The following VTCN1 variants were observed in gnomAD, a reference collection of about 807,000 sequenced individuals.
VTCN1 encodes the protein V-set domain containing T cell activation inhibitor 1.
VTCN1 carries 26 observed loss-of-function variants against 26.5 expected under a neutral mutation model. That is an observed-to-expected ratio of 0.98 (90% confidence interval 0.72 to 1.36). The LOEUF (loss-of-function observed/expected upper bound fraction) is 1.36, where lower values mean the gene tolerates loss of function less well. VTCN1 is among the 40% of genes most tolerant of loss of function. The pLI, the probability that VTCN1 is intolerant of heterozygous loss-of-function variation, is 0.00. For missense variants in VTCN1, 298 were observed against 337.7 expected, an observed-to-expected ratio of 0.88 and a Z score of 0.92; for synonymous variants, 116 against 130.7, an observed-to-expected ratio of 0.89 and a Z score of 0.77.
intron 2 of VTCN1, among the ~76,000 whole-genome samples, chr1:117,165,025 G>T (rs1652542715): frequency 6.6e-6 from 1 of 152,210 alleles, no homozygotes; most frequent in African/African-American, 2.4e-5. Context: ...TCTGTATTGG[G>T]GAAAAGTTTT....
intron 1 of VTCN1, among the ~76,000 whole-genome samples, chr1:117,194,892 G>A (rs1218600781): frequency 6.6e-6 from 1 of 152,182 alleles, no homozygotes; most frequent in Non-Finnish European, 1.5e-5. Flanking sequence ...AGAGGTGTTA[G>A]TCAAAGGGTA....
At chr1:117,158,282 C>T (rs1319087373) in intron 2 of VTCN1, among the ~76,000 whole-genome samples, 2 of 152,218 alleles carry the variant, frequency 1.3e-5, no homozygotes, top group African/African-American at 4.8e-5. Flanking sequence ...TCCATGAGAG[C>T]CCCACTCCTG....
rs1167334892 is a variant in VTCN1, at chr1:117,167,456, A to G, written c.97+2651T>C. The stretch of plus-strand genomic sequence containing the variant: ...GAACTTCATATGCATAGAATCATAC[A>G]GAACTTACTCTTTTGTGCTCTTCTG... On this transcript the variant is annotated intron_variant, in intron 2 of 5. Coordinates refer to ENST00000369458, the MANE Select transcript of VTCN1 (RefSeq NM_024626.4). This position sits in a 1 kb window ranked among gnomAD's most constrained non-coding sequence, Gnocchi z 4.1. 2.6e-5 allele frequency among the ~76,000 whole-genome samples: 4 copies of G among 152,220 alleles called. No individual in the cohort carries two copies. Among genetic ancestry groups the G allele is most frequent in the African/African-American group, 9.6e-5 (4 of 41,470 alleles).
rs145375103 is a variant in VTCN1 at position 117,204,046 on chromosome 1, G to A, written c.32+6778C>T. On this transcript the variant is annotated intron_variant, in intron 1 of 5. Coordinates refer to ENST00000369458, the MANE Select transcript of VTCN1 (RefSeq NM_024626.4). ...CTCACAGAACAAGGACTAGAAAGAC[G>A]ATGTCTGAGTCCATTGAAATCCCAA... Among the ~76,000 whole-genome samples the A allele has an allele frequency of 4.4e-3, 664 of 152,252 alleles. 7 individuals are homozygous for A. Among genetic ancestry groups the A allele is most frequent in the African/African-American group, 0.015 (636 of 41,526 alleles).
At chr1:117,163,117 A>G (rs1426668696) in intron 2 of VTCN1, among the ~76,000 whole-genome samples, 1 of 152,228 alleles carries the variant, frequency 6.6e-6, no homozygotes, top group Non-Finnish European at 1.5e-5. Flanking sequence ...CTTGCCAAAG[A>G]AGACGGTGGG....
chr1:117,161,035 A>G lies in VTCN1; in HGVS notation c.98-4114T>C, dbSNP rs1652341162. ...TGGAGGCTTGAGAGCGTGAGAAAAGACACTTTGGAAGCAGCTGCCATGCAT... is the reference window on the plus strand; with the variant it reads ...TGGAGGCTTGAGAGCGTGAGAAAAGGCACTTTGGAAGCAGCTGCCATGCAT... On this transcript the variant is annotated intron_variant, in intron 2 of 5. Coordinates refer to ENST00000369458, the MANE Select transcript of VTCN1 (RefSeq NM_024626.4). The surrounding 1 kb of genome is among the most constrained non-coding windows in gnomAD (Gnocchi z 4.3). Among the ~76,000 whole-genome samples, 1 of 152,186 alleles carries G rather than the reference A, an allele frequency of 6.6e-6. No individual in the cohort carries two copies. Among genetic ancestry groups the G allele is most frequent in the African/African-American group, 2.4e-5 (1 of 41,450 alleles).
chr1:117,209,163 C>A (rs1442687362), intron 1 of VTCN1, among the ~76,000 whole-genome samples: 1 of 152,164 alleles, frequency 6.6e-6, no homozygotes, highest in Non-Finnish European at 1.5e-5. Context: ...CATGCAGGAG[C>A]CAACAAGAGG....
chr1:117,188,283 G>A (rs751398100), intron 1 of VTCN1, among the ~76,000 whole-genome samples: 7 of 152,184 alleles, frequency 4.6e-5, no homozygotes, highest in Non-Finnish European at 1.0e-4. Context: ...AGAGCTGCGA[G>A]AGTCACCACT....
At chr1:117,163,699 C>T (rs890342984) in intron 2 of VTCN1, among the ~76,000 whole-genome samples, 9 of 152,036 alleles carry the variant, frequency 5.9e-5, no homozygotes, top group Non-Finnish European at 1.3e-4. Context: ...CTGGTCTGGC[C>T]CTGAGCCTAT....
At position 117,201,855 on chromosome 1, in the gene VTCN1, T is replaced by C. The variant is rs566136367; in HGVS notation, c.32+8969A>G. Among the ~76,000 whole-genome samples, 271 of 152,316 alleles carry C rather than the reference T, an allele frequency of 1.8e-3. 1 individual carries two copies. Among genetic ancestry groups the C allele is most frequent in the African/African-American group, 6.4e-3 (265 of 41,570 alleles). ...TGCAGAGAATCATTAATATTTGGTC[T>C]CTCTTTAACAAATGGAAGAAAGAAG... On this transcript the variant is annotated intron_variant, in intron 1 of 5. Transcript: ENST00000369458.
At chr1:117,208,484 C>G (rs1055986771) in intron 1 of VTCN1, among the ~76,000 whole-genome samples, 1 of 152,162 alleles carries the variant, frequency 6.6e-6, no homozygotes, top group Non-Finnish European at 1.5e-5. Flanking sequence ...CTTTCTCCTC[C>G]ATTAGGTTAT....
chr1:117,196,797 G>T (rs1648534827), intron 1 of VTCN1, among the ~76,000 whole-genome samples: 1 of 152,126 alleles, frequency 6.6e-6, no homozygotes, highest in African/African-American at 2.4e-5. Context: ...CTTCATTTAA[G>T]TGAGCAAGCA....
chr1:117,166,966 G>A (rs1189003230), intron 2 of VTCN1, among the ~76,000 whole-genome samples: 4 of 151,688 alleles, frequency 2.6e-5, no homozygotes, highest in South Asian at 4.2e-4. Context: ...GGTGGTGCAC[G>A]TCTGTAATCC....
chr1:117,203,896 T>G, intron 1 of VTCN1: 15 of 525,736 alleles, frequency 2.9e-5, no homozygotes, highest in Non-Finnish European at 3.7e-5. Flanking sequence ...TTTGCATCTC[T>G]AATAGTTCCC....
intron 2 of VTCN1, among the ~76,000 whole-genome samples, chr1:117,157,658 A>T (rs937270810): frequency 1.3e-5 from 2 of 152,130 alleles, no homozygotes; most frequent in African/African-American, 4.8e-5. Context: ...AAACCATATC[A>T]TTCCATCCCT....
At chr1:117,187,182 G>A (rs560269515) in intron 1 of VTCN1, among the ~76,000 whole-genome samples, 37 of 151,482 alleles carry the variant, frequency 2.4e-4, no homozygotes, top group Admixed American at 1.4e-3. Context: ...GTGGTGGTGC[G>A]CACCTGCAGT....
rs1356521396 is a variant in VTCN1, at chr1:117,167,344, C to T, written c.97+2763G>A. Reference sequence around the variant, plus strand: ...CTCCCAGCAGTGCCCTCATGCCCCTCCTCACTGCTACCTGCTTACTTGTCC... The same window carrying T: ...CTCCCAGCAGTGCCCTCATGCCCCTTCTCACTGCTACCTGCTTACTTGTCC... On this transcript the variant is annotated intron_variant, in intron 2 of 5. Coordinates refer to ENST00000369458, the MANE Select transcript of VTCN1 (RefSeq NM_024626.4). The surrounding 1 kb of genome is among the most constrained non-coding windows in gnomAD (Gnocchi z 4.1). 6.6e-6 allele frequency among the ~76,000 whole-genome samples: 1 copy of T among 152,150 alleles called. No homozygotes were observed. Among genetic ancestry groups the T allele is most frequent in the Non-Finnish European group, 1.5e-5 (1 of 68,018 alleles).
In VTCN1 at chr1:117,159,316, C is replaced by T. The variant is rs1284382506; in HGVS notation, c.98-2395G>A. ...GGCTGGGGAGGCCTCAGAGTCATGG[C>T]GGGAGGTGAAAGGCACTTCTTACAT... On this transcript the variant is annotated intron_variant, in intron 2 of 5. Coordinates refer to ENST00000369458, the MANE Select transcript of VTCN1 (RefSeq NM_024626.4). This position sits in a 1 kb window ranked among gnomAD's most constrained non-coding sequence, Gnocchi z 4.7. Among the ~76,000 whole-genome samples the T allele has an allele frequency of 6.6e-6, 1 of 152,038 alleles. No homozygotes were observed. Among genetic ancestry groups the T allele is most frequent in the Non-Finnish European group, 1.5e-5 (1 of 68,014 alleles).
chr1:117,162,664 A>G (rs746863838), intron 2 of VTCN1, among the ~76,000 whole-genome samples: 1 of 152,218 alleles, frequency 6.6e-6, no homozygotes, highest in Non-Finnish European at 1.5e-5. Context: ...ACTGAAAATT[A>G]ATTATCCAGC....
Sources: allele counts gnomAD v4.1 joint callset (sites outside exome capture counted in the v4.1 genomes callset), GRCh38; gene constraint gnomAD v4.1.1; non-coding constraint Gnocchi (gnomAD v3.1); transcripts MANE v1.5; gene names NCBI Gene and HGNC (gene_info 2026-07-23, HGNC 2026-07-21).